NFIC: variants seen among roughly 807,000 people sequenced by gnomAD.
NFIC encodes the protein nuclear factor 1 C-type.
Under a neutral mutation model 54.4 loss-of-function variants are expected in NFIC, and 12 were observed. The ratio of observed to expected loss-of-function variants is 0.22; its 90% CI spans 0.14 to 0.36. The LOEUF (loss-of-function observed/expected upper bound fraction) is 0.36. NFIC is among the 10% of genes least tolerant of loss of function. The pLI is 1.00. For synonymous variants in NFIC, 322 were observed against 319.2 expected (o/e 1.01, Z -0.09); for missense variants, 575 against 718.2 (o/e 0.80, Z 2.28).
intron 1 of NFIC, among the ~76,000 whole-genome samples, chr19:3,381,059 C>G (rs1042407296): frequency 2.0e-5 from 3 of 152,096 alleles, no homozygotes; most frequent in African/African-American, 7.2e-5. Context: ...TCCACCTGGC[C>G]CCCTTAGCTT....
chr19:3,384,474 C>T (rs1252376023), intron 2 of NFIC, among the ~76,000 whole-genome samples: 4 of 152,044 alleles, frequency 2.6e-5, no homozygotes, highest in East Asian at 1.9e-4. Context: ...CTGCAATCTC[C>T]ACCTCCCAGG....
At chr19:3,445,215 G>A (rs565520816) in intron 6 of NFIC, among the ~76,000 whole-genome samples, 6 of 152,242 alleles carry the variant, frequency 3.9e-5, no homozygotes, top group Non-Finnish European at 5.9e-5. Flanking sequence ...ACACACACAC[G>A]TGCACAGGCA....
At chr19:3,401,438 T>G (rs2081553824) in intron 2 of NFIC, among the ~76,000 whole-genome samples, 1 of 152,158 alleles carries the variant, frequency 6.6e-6, no homozygotes, top group Non-Finnish European at 1.5e-5. Context: ...ACTCCGACGG[T>G]GTGAGGATTC....
upstream of NFIC, among the ~76,000 whole-genome samples, chr19:3,363,267 A>ATTTT (rs1213596166): frequency 1.7e-4 from 8 of 47,068 alleles, no homozygotes; most frequent in East Asian, 8.6e-4. Context: ...ATATATATAT[A>ATTTT]TATTTTTTTT....
intron 6 of NFIC, among the ~76,000 whole-genome samples, chr19:3,438,822 C>T (rs775638042): frequency 6.6e-6 from 1 of 152,130 alleles, no homozygotes; most frequent in Non-Finnish European, 1.5e-5. Flanking sequence ...ATGATCCAAC[C>T]CACTCTTGTC....
chr19:3,402,451 A>G (rs569097326), intron 2 of NFIC, among the ~76,000 whole-genome samples: 2 of 152,064 alleles, frequency 1.3e-5, no homozygotes, highest in African/African-American at 4.8e-5. Flanking sequence ...CTTTCTTTCT[A>G]CAAATATTTA....
intron 1 of NFIC, among the ~76,000 whole-genome samples, chr19:3,368,658 G>A (rs1399799390): frequency 1.3e-5 from 2 of 152,062 alleles, no homozygotes; most frequent in Non-Finnish European, 2.9e-5. Context: ...GCCCTGTAGT[G>A]GAGCTGGGGA....
chr19:3,463,108 T>C lies in NFIC; in HGVS notation c.*339T>C, dbSNP rs909201570. 8.2e-6 allele frequency: 10 copies of C among 1,220,892 alleles called. No individual in the cohort carries two copies. In the African/African-American group the frequency reaches 1.3e-4, roughly 15 times the overall value. The allele number at this position is 1,220,892 out of a possible 1,614,324, so 75.6% of individuals were successfully genotyped here. On this transcript the variant is annotated 3_prime_UTR_variant, in exon 11 of 11. Transcript: ENST00000443272. ...GGAGACCCGGGACAGGGCGTCTTCC[T>C]AAGTTATTCATCTCCTCTCCGCCTG...
At position 3,434,405 on chromosome 19, in the gene NFIC, G is replaced by A; in HGVS notation, c.833+5G>A. 6.3e-7 allele frequency: 1 copy of A among 1,598,576 alleles called. No individual in the cohort carries two copies. Among genetic ancestry groups the A allele is most frequent in the Non-Finnish European group, 8.5e-7 (1 of 1,172,088 alleles). ...GCCCAGCACCTCCTCCAGTGGGTAA[G>A]TACCCAGGTCCCCACCTCTGGGCAT... On this transcript the variant is annotated splice_donor_5th_base_variant and intron_variant, in intron 5 of 10. Coordinates refer to ENST00000443272, the MANE Select transcript of NFIC (RefSeq NM_001245002.2).
At chr19:3,371,975 TTCTCTCTCTCTCCC>T (rs2081024557) in intron 1 of NFIC, among the ~76,000 whole-genome samples, 1 of 31,972 alleles carries the variant, frequency 3.1e-5, no homozygotes, top group Non-Finnish European at 6.8e-5. Context: ...TTCCTTCTCT[TTCTCTCTCTCTCCC>T]TCTCTCTCCC....
intron 2 of NFIC, among the ~76,000 whole-genome samples, chr19:3,404,741 A>C (rs1337003105): frequency 1.3e-5 from 2 of 152,198 alleles, no homozygotes; most frequent in Admixed American, 6.5e-5. Flanking sequence ...CAGAGGGATG[A>C]TGTCATGGGC....
chr19:3,381,561 G>C (rs1461970420), intron 1 of NFIC, 151 bp from the exon 2 acceptor site: 2 of 1,222,478 alleles, frequency 1.6e-6, no homozygotes, highest in African/African-American at 3.1e-5. Context: ...GGCGTGCACG[G>C]GTCCGCAGCG....
At chr19:3,367,197 C>A (rs1054848832) in intron 1 of NFIC, among the ~76,000 whole-genome samples, 1 of 152,212 alleles carries the variant, frequency 6.6e-6, no homozygotes, top group Non-Finnish European at 1.5e-5. Context: ...CCCTCGGTCG[C>A]CTTTCCCTCG....
At chr19:3,387,812 G>A (rs1175838045) in intron 2 of NFIC, among the ~76,000 whole-genome samples, 3 of 152,128 alleles carry the variant, frequency 2.0e-5, no homozygotes, top group South Asian at 2.1e-4. Flanking sequence ...CGGGGGTGGG[G>A]CGGGAGAGGG....
intron 2 of NFIC, among the ~76,000 whole-genome samples, chr19:3,398,784 C>T (rs1337480701): frequency 6.6e-6 from 1 of 152,144 alleles, no homozygotes; most frequent in East Asian, 1.9e-4. Flanking sequence ...GGCAGCCGGC[C>T]CGCTTACATA....
At chr19:3,394,366 G>T (rs1391971633) in intron 2 of NFIC, among the ~76,000 whole-genome samples, 1 of 152,112 alleles carries the variant, frequency 6.6e-6, no homozygotes, top group East Asian at 1.9e-4. Flanking sequence ...TGCGGTCCCA[G>T]CTACTCAGGA....
chr19:3,363,232 T>TGTGTGTGTGTGTGTGC (rs201714015), upstream of NFIC, among the ~76,000 whole-genome samples: 355 of 52,836 alleles, frequency 6.7e-3, 3 homozygotes, highest in African/African-American at 0.027. Flanking sequence ...TATGTATGTG[T>TGTGTGTGTGTGTGTGC]ATGTGTGTGT....
intron 1 of NFIC, among the ~76,000 whole-genome samples, chr19:3,360,286 G>A (rs1012518774): frequency 1.4e-5 from 2 of 146,172 alleles, no homozygotes; most frequent in African/African-American, 4.9e-5. Context: ...GCGCCGCGCA[G>A]GAGCAGCCGC....
intron 2 of NFIC, among the ~76,000 whole-genome samples, chr19:3,395,156 C>T (rs184848580): frequency 2.6e-5 from 4 of 152,148 alleles, no homozygotes; most frequent in East Asian, 1.9e-4. Flanking sequence ...GTCAGGAGTT[C>T]GAGACCAGCC....
Sources: gnomAD v4.1 joint callset for allele counts (sites outside exome capture counted in the v4.1 genomes callset) on GRCh38, gnomAD v4.1.1 for gene constraint, MANE v1.5 for transcripts, NCBI Gene and HGNC (gene_info 2026-07-23, HGNC 2026-07-21) for gene names.